Variants in HTATIP2 observed in about 807,000 individuals in gnomAD.
HTATIP2 encodes the protein protein HTATIP2.
HTATIP2 carries 26 observed loss-of-function variants against 24.7 expected under a neutral mutation model. The ratio of observed to expected loss-of-function variants is 1.05; its 90% confidence interval spans 0.77 to 1.46. The LOEUF (loss-of-function observed/expected upper bound fraction) is 1.46, where lower values mean the gene tolerates loss of function less well. Among genes scored for constraint, HTATIP2 ranks in the 40% most tolerant of loss-of-function variants. HTATIP2 has a pLI of 0.00. For missense variants in HTATIP2, 284 were observed against 289.6 expected (o/e 0.98, Z 0.14); for synonymous variants, 99 against 113.2 (o/e 0.87, Z 0.79).
At chr11:20,368,625 G>A (rs529137819) in intron 2 of HTATIP2, among the ~76,000 whole-genome samples, 79 of 152,310 alleles carry the variant, frequency 5.2e-4, no homozygotes, top group Admixed American at 9.1e-4. Flanking sequence ...TTTGTTCCAG[G>A]ACACTGCAGG....
chr11:20,373,872 G>C (rs567744391), intron 2 of HTATIP2, among the ~76,000 whole-genome samples: 1 of 152,244 alleles, frequency 6.6e-6, no homozygotes, highest in South Asian at 2.1e-4. Context: ...TACTTAAATT[G>C]GTTTGCTTTA....
At chr11:20,374,148 C>T (rs373812003) in intron 2 of HTATIP2, among the ~76,000 whole-genome samples, 1 of 152,112 alleles carries the variant, frequency 6.6e-6, no homozygotes, top group South Asian at 2.1e-4. Context: ...AAGGCTTTTA[C>T]AGTAATGGTA....
chr11:20,375,605 G>C (rs1380275331), intron 2 of HTATIP2, among the ~76,000 whole-genome samples: 1 of 152,156 alleles, frequency 6.6e-6, no homozygotes, highest in East Asian at 1.9e-4. Flanking sequence ...CCAGTCTTCA[G>C]ATTTGGAATT....
intron 3 of HTATIP2, among the ~76,000 whole-genome samples, chr11:20,381,878 T>A (rs1305399884): frequency 6.6e-6 from 1 of 152,222 alleles, no homozygotes; most frequent in Non-Finnish European, 1.5e-5. Context: ...CTTTTATGAT[T>A]GTACTAACGT....
chr11:20,369,724 G>A (rs148275453), intron 2 of HTATIP2, among the ~76,000 whole-genome samples: 114 of 152,248 alleles, frequency 7.5e-4, no homozygotes, highest in African/African-American at 2.6e-3. Context: ...CTGGATTAGG[G>A]ACCACCCTAT....
chr11:20,367,326 A>G lies in HTATIP2; in HGVS notation c.303+45A>G, dbSNP rs747808761. 20 of 1,612,984 alleles carry G rather than the reference A, an allele frequency of 1.2e-5. No homozygotes were observed. The African/African-American group carries it at 2.1e-4, about 17-fold the overall frequency. On this transcript the variant is annotated intron_variant, in intron 2 of 4. Transcript: ENST00000451739. ...TTTTCCCTTTTTGCTGGCCAGTAAT[A>G]TCAAGGATTCTTTTCTTGCTCACTC...
chr11:20,376,530 A>G (rs1259896519), intron 2 of HTATIP2, 50 bp from the exon 3 acceptor site: 6 of 1,609,166 alleles, frequency 3.7e-6, no homozygotes, highest in African/African-American at 1.3e-5. Context: ...GTAATCTTTA[A>G]GATGAACTTG....
chr11:20,367,267 G>T lies in HTATIP2; in HGVS notation c.289G>T (p.Gly97Trp). Residue 97 changes from glycine to tryptophan, a missense_variant, in exon 2 of 5, where the codon GGG becomes TGG. By Grantham distance (184) the Gly-to-Trp change is radical. Transcript: ENST00000451739. Reference protein sequence around the residue: ...VGFCCLGTTRGKAGAEGFVRV... With the variant: ...VGFCCLGTTRWKAGAEGFVRV... ...ATTCTGTTGCCTGGGTACCACCAGA[G>T]GGAAAGCTGGGGCGGTAAGGAAGGC... 6.2e-7 allele frequency: 1 copy of T among 1,614,114 alleles called. No individual in the cohort carries two copies. The highest frequency in any genetic ancestry group is 1.1e-5 in the South Asian group (1 of 90,992).
intron 2 of HTATIP2, among the ~76,000 whole-genome samples, chr11:20,370,659 T>A (rs568145573): frequency 1.5e-3 from 229 of 151,028 alleles, no homozygotes; most frequent in African/African-American, 2.7e-3. Flanking sequence ...ATGTATATAT[T>A]TTTTTTTTGA....
At chr11:20,364,534 GT>G in intron 1 of HTATIP2, 102 bp downstream of exon 1, 1 of 1,040,004 alleles carries the variant, frequency 9.6e-7, no homozygotes, top group Non-Finnish European at 1.4e-6. Flanking sequence ...GGTGGGGGTA[GT>G]GAGAGGCCAT....
chr11:20,364,167 G>C lies in HTATIP2; in HGVS notation c.-71G>C, dbSNP rs2064667249. ...CCTCCCTAACAGATAAACAGCCCTT[G>C]TTCCTCGGGATAAGGACTGGCAGTC... is the stretch of plus-strand genomic sequence containing the variant. On this transcript the variant is annotated 5_prime_UTR_variant, in exon 1 of 5. Transcript: ENST00000451739. 1 of 1,512,234 alleles carries C rather than the reference G, an allele frequency of 6.6e-7. No homozygotes were observed. Among genetic ancestry groups the C allele is most frequent in the Non-Finnish European group, 8.9e-7 (1 of 1,127,974 alleles). 93.7% of individuals were successfully genotyped at this position (1,512,234 alleles called of 1,614,324 possible).
At position 20,367,157 on chromosome 11, in the gene HTATIP2, A is replaced by G; in HGVS notation, c.196-17A>G. ...TTTAAATAACATGAAACTACATACA[A>G]CTGTGTCCTTGCCTAGAATCAAGAA... On this transcript the variant is annotated splice_polypyrimidine_tract_variant and intron_variant, in intron 1 of 4. Transcript: ENST00000451739. 25 of 1,613,708 alleles carry G rather than the reference A, an allele frequency of 1.5e-5. No homozygotes were observed. Among genetic ancestry groups the G allele is most frequent in the Non-Finnish European group, 2.1e-5 (25 of 1,179,934 alleles).
Position 20,382,256 on chromosome 11 carries a change from T to C in HTATIP2, c.503+17T>C, listed in dbSNP as rs901319233. On this transcript the variant is annotated intron_variant, in intron 4 of 4. Coordinates refer to ENST00000451739, the MANE Select transcript of HTATIP2 (RefSeq NM_001098522.2). Reference sequence around the variant, plus strand: ...TAGGCCTGGGTAAGTATAATATTTATACTGAATGAGAGTATGCCACTGATG... The same window carrying C: ...TAGGCCTGGGTAAGTATAATATTTACACTGAATGAGAGTATGCCACTGATG... The C allele has an allele frequency of 7.0e-7, 1 of 1,425,480 alleles. No individual in the cohort carries two copies. Among genetic ancestry groups the C allele is most frequent in the Non-Finnish European group, 9.9e-7 (1 of 1,010,062 alleles). The allele number at this position is 1,425,480 out of a possible 1,614,324, so 88.3% of individuals were successfully genotyped here. A position where few individuals can be genotyped will look rare whatever the true frequency, so the allele number is the denominator to read the frequency against.
chr11:20,366,215 C>T (rs2064704312), intron 1 of HTATIP2, among the ~76,000 whole-genome samples: 1 of 149,636 alleles, frequency 6.7e-6, no homozygotes, highest in African/African-American at 2.5e-5. Flanking sequence ...CATTCTCCTG[C>T]CTCAGCCTCC....
intron 3 of HTATIP2, among the ~76,000 whole-genome samples, chr11:20,379,076 A>G (rs989082743): frequency 7.2e-5 from 11 of 151,966 alleles, no homozygotes; most frequent in African/African-American, 2.4e-4. Context: ...CAACAACAAC[A>G]ACAACAAAAA....
chr11:20,364,422 A>C lies in HTATIP2; in HGVS notation c.185A>C (p.Tyr62Ser), dbSNP rs1261792959. The change falls in exon 1 of 5, where the codon TAT becomes TCT. Residue 62 changes from tyrosine to serine, a missense_variant. Coordinates refer to ENST00000451739, the MANE Select transcript of HTATIP2 (RefSeq NM_001098522.2). The part of the protein sequence containing the change: ...RRKLTFDEEA[Y>S]KNVNQEVVDF... Reference sequence around the variant, plus strand: ...AAGCTCACCTTCGACGAGGAAGCTTATAAAAATGTGGTGGGTATTTCAGCT... The same window carrying C: ...AAGCTCACCTTCGACGAGGAAGCTTCTAAAAATGTGGTGGGTATTTCAGCT... 4 of 1,607,102 alleles carry C rather than the reference A, an allele frequency of 2.5e-6. No homozygotes were observed. The African/African-American group carries it at 5.4e-5, about 22-fold the overall frequency.
chr11:20,372,865 A>G (rs1206453909), intron 2 of HTATIP2, among the ~76,000 whole-genome samples: 1 of 152,074 alleles, frequency 6.6e-6, no homozygotes, highest in Non-Finnish European at 1.5e-5. Flanking sequence ...GGTGTGTGAT[A>G]CCTCCTAGTC....
chr11:20,383,184 G>A lies in HTATIP2; in HGVS notation c.708G>A (p.Ala236=), dbSNP rs202065100. ...ENKAIHDLGK[A]HGSLKP is the part of the protein sequence containing the mutation. ...AGGCCATCCATGACCTGGGGAAAGC[G>A]CATGGCTCTCTCAAGCCATGACCAC... The change falls in exon 5 of 5, where the codon GCG becomes GCA. Residue 236 remains alanine (A), a synonymous_variant. Transcript: ENST00000451739. 115 of 1,613,322 alleles carry A rather than the reference G, an allele frequency of 7.1e-5. No individual in the cohort carries two copies. The highest frequency in any genetic ancestry group is 8.1e-5 in the Non-Finnish European group (95 of 1,179,606).
In HTATIP2 at chr11:20,364,392, G is replaced by A. The variant is rs557993544; in HGVS notation, c.155G>A (p.Arg52Gln). The change falls in exon 1 of 5, where the codon CGG (arginine) becomes CAG (glutamine). Residue 52 changes from arginine (R) to glutamine (Q), a missense_variant. By Grantham distance (43) the Arg-to-Gln change is conservative. Coordinates refer to ENST00000451739, the MANE Select transcript of HTATIP2 (RefSeq NM_001098522.2). ...GLFSKVTLIG[R>Q]RKLTFDEEAY... ...TTTTCCAAAGTCACGCTCATTGGCCGGAGGAAGCTCACCTTCGACGAGGAA... is the reference window on the plus strand; with the variant it reads ...TTTTCCAAAGTCACGCTCATTGGCCAGAGGAAGCTCACCTTCGACGAGGAA... 10 of 1,610,214 alleles carry A rather than the reference G, an allele frequency of 6.2e-6. No homozygotes were observed. Among genetic ancestry groups the A allele is most frequent in the African/African-American group, 5.3e-5 (4 of 74,834 alleles).
Sources: allele counts gnomAD v4.1 joint callset (sites outside exome capture counted in the v4.1 genomes callset), GRCh38; gene constraint gnomAD v4.1.1; transcripts MANE v1.5; gene names NCBI Gene and HGNC (gene_info 2026-07-23, HGNC 2026-07-21).